Variants in LRRC71 observed in about 807,000 individuals in gnomAD.
The protein encoded by LRRC71 is leucine rich repeat containing 71, also known as leucine-rich repeat-containing protein 71.
Under a neutral mutation model 66.6 loss-of-function variants are expected in LRRC71, and 54 were observed. The ratio of observed to expected loss-of-function variants is 0.81; its 90% CI spans 0.65 to 1.02. The LOEUF is 1.02. Among genes scored for constraint, LRRC71 ranks in the 50% least tolerant of loss-of-function variants. The pLI is 0.00. For synonymous variants in LRRC71, 323 were observed against 303.9 expected (o/e 1.06, Z -0.65); for missense variants, 724 against 718.0 (o/e 1.01, Z -0.10).
chr1:156,936,772 T>G (rs1201874033), downstream of LRRC71: 6 of 1,581,798 alleles, frequency 3.8e-6, no homozygotes, highest in South Asian at 5.8e-5. Flanking sequence ...TTGGCAGACT[T>G]CTCCCCCAAT....
chr1:156,930,294 T>C (rs920941370), intron 11 of LRRC71, among the ~76,000 whole-genome samples: 5 of 151,826 alleles, frequency 3.3e-5, no homozygotes, highest in African/African-American at 9.7e-5. Context: ...GGCTTCACCA[T>C]GTTGGCCAGG....
chr1:156,923,114 C>T (rs988330080), intron 1 of LRRC71, among the ~76,000 whole-genome samples: 1 of 152,236 alleles, frequency 6.6e-6, no homozygotes, highest in Non-Finnish European at 1.5e-5. Context: ...CTCCTCCACT[C>T]CCTCAGGCAG....
chr1:156,929,810 G>A, intron 11 of LRRC71, 81 bp downstream of exon 11: 1 of 1,201,436 alleles, frequency 8.3e-7, no homozygotes, highest in Non-Finnish European at 1.2e-6. Flanking sequence ...AGCTGTTCTG[G>A]GCCTGGGTGC....
At position 156,924,968 on chromosome 1, in the gene LRRC71, C is replaced by T; in HGVS notation, c.546C>T (p.Thr182=). The T allele has an allele frequency of 6.4e-7, 1 of 1,551,684 alleles. No individual in the cohort carries two copies. Among genetic ancestry groups the T allele is most frequent in the Non-Finnish European group, 8.7e-7 (1 of 1,146,992 alleles). The change falls in exon 5 of 15, where the codon ACC becomes ACT. Residue 182 remains threonine (T), a synonymous_variant. Coordinates refer to ENST00000337428, the MANE Select transcript of LRRC71 (RefSeq NM_144702.3). ...NLWKVGLTDK[T]LTTFIELLPL... is the part of the protein sequence containing the mutation. Reference sequence around the variant, plus strand: ...GGAAGGTGGGGCTGACCGATAAGACCCTGACCACCTTCATCGAGCTCCTGC... The same window carrying T: ...GGAAGGTGGGGCTGACCGATAAGACTCTGACCACCTTCATCGAGCTCCTGC...
chr1:156,930,060 T>TTCTTTCTTTTTCTTTCTTTTTC (rs746194831), intron 11 of LRRC71, among the ~76,000 whole-genome samples: 1 of 126,182 alleles, frequency 7.9e-6, no homozygotes, highest in Non-Finnish European at 1.6e-5. Flanking sequence ...CTTTCTTTCT[T>TTCTTTCTTTTTCTTTCTTTTTC]TTTCTTTCTT....
chr1:156,934,895 T>C (rs917401630), downstream of LRRC71: 1 of 149,810 alleles, frequency 6.7e-6, no homozygotes, highest in Non-Finnish European at 1.5e-5. Context: ...AGGAAGAAAA[T>C]AAAAGAGTAT....
At chr1:156,929,211 ACC>A in intron 9 of LRRC71, 67 bp from the exon 10 acceptor site, 1 of 1,531,192 alleles carries the variant, frequency 6.5e-7, no homozygotes. Context: ...GGGTATAGCT[ACC>A]TTTCATGCCC....
At chr1:156,940,472 A>G in the LRRC71 span, 1 of 1,544,296 alleles carries the variant, frequency 6.5e-7, no homozygotes, top group Admixed American at 1.8e-5. Flanking sequence ...GGGAGAGGGC[A>G]CGTATGGGAG....
At chr1:156,938,462 G>C in the LRRC71 span, 1 of 1,613,974 alleles carries the variant, frequency 6.2e-7, no homozygotes, top group Non-Finnish European at 8.5e-7. Context: ...CCCAGGCTCT[G>C]ACTGGCCACT....
chr1:156,940,185 G>A, the LRRC71 span: 46 of 1,548,676 alleles, frequency 3.0e-5, no homozygotes, highest in South Asian at 4.0e-4. Flanking sequence ...AGGGGCTGAC[G>A]GCAGGGCCTT....
At chr1:156,922,261 G>T (rs562310439) in intron 1 of LRRC71, among the ~76,000 whole-genome samples, 44 of 152,184 alleles carry the variant, frequency 2.9e-4, no homozygotes, top group African/African-American at 1.0e-3. Context: ...GAAGAGGAGA[G>T]GGCTCAGGAT....
the LRRC71 span, chr1:156,939,756 T>C: frequency 1.2e-6 from 2 of 1,613,662 alleles, no homozygotes; most frequent in Non-Finnish European, 1.7e-6. Context: ...CCCCAGGGGG[T>C]GCTTGCCCTG....
the LRRC71 span, among the ~76,000 whole-genome samples, chr1:156,940,807 G>A: frequency 4.6e-5 from 7 of 152,138 alleles, no homozygotes; most frequent in Non-Finnish European, 1.0e-4. Context: ...GAATGAAGAC[G>A]TGAAGGAGGT....
At chr1:156,926,574 A>C (rs956543310) in intron 5 of LRRC71, among the ~76,000 whole-genome samples, 179 of 102,696 alleles carry the variant, frequency 1.7e-3, no homozygotes, top group African/African-American at 2.0e-3. Flanking sequence ...CCCACCCCCC[A>C]CCTCTTCTTT....
intron 1 of LRRC71, among the ~76,000 whole-genome samples, chr1:156,923,073 T>C (rs964418811): frequency 2.0e-4 from 30 of 152,190 alleles, no homozygotes; most frequent in Admixed American, 1.9e-3. Flanking sequence ...CCTTTCCCCA[T>C]GAACCCTCGA....
the LRRC71 span, chr1:156,940,421 A>T: frequency 1.9e-6 from 3 of 1,599,434 alleles, no homozygotes; most frequent in East Asian, 4.5e-5. Flanking sequence ...GCTGGGACCC[A>T]GTGCCTGTTT....
chr1:156,928,442 T>C (rs1226942989), intron 9 of LRRC71, among the ~76,000 whole-genome samples: 8 of 94,498 alleles, frequency 8.5e-5, no homozygotes, highest in Non-Finnish European at 1.2e-4. Flanking sequence ...TTCTTCCTCT[T>C]CCTCCTCCTC....
At chr1:156,930,945 C>T (rs1222495211) in intron 12 of LRRC71, among the ~76,000 whole-genome samples, 1 of 152,244 alleles carries the variant, frequency 6.6e-6, no homozygotes, top group Non-Finnish European at 1.5e-5. Flanking sequence ...AGTTCCTCAT[C>T]ACCACCTCCA....
intron 1 of LRRC71, among the ~76,000 whole-genome samples, chr1:156,921,316 G>A (rs1018755012): frequency 6.6e-6 from 1 of 152,152 alleles, no homozygotes; most frequent in Admixed American, 6.5e-5. Context: ...GATATGTCAC[G>A]GAGGAGAACG....
Sources: allele counts gnomAD v4.1 joint callset (sites outside exome capture counted in the v4.1 genomes callset), GRCh38; gene constraint gnomAD v4.1.1; transcripts MANE v1.5; gene names NCBI Gene and HGNC (gene_info 2026-07-23, HGNC 2026-07-21).